Variants in OTOP1 observed in about 807,000 individuals in gnomAD.
OTOP1 encodes the protein proton channel OTOP1.
A neutral mutation model predicts 52.9 loss-of-function variants in OTOP1; 59 were observed. That is an observed-to-expected ratio of 1.12 (90% confidence interval 0.91 to 1.39). The LOEUF is 1.39. Ranked by LOEUF, OTOP1 falls within the 40% of genes most tolerant of loss-of-function variation. The pLI is 0.00. For missense variants in OTOP1, 761 were observed against 800.9 expected, an observed-to-expected ratio of 0.95 and a Z score of 0.60; for synonymous variants, 317 against 337.7, an observed-to-expected ratio of 0.94 and a Z score of 0.67.
chr4:4,224,198 A>G (rs1400557317), intron 1 of OTOP1, among the ~76,000 whole-genome samples: 1 of 151,848 alleles, frequency 6.6e-6, no homozygotes, highest in Non-Finnish European at 1.5e-5. Context: ...GATACAAAAA[A>G]TAGCTGGGCA....
rs144516335 is a variant in OTOP1, at chr4:4,206,720, A to C, written c.541-590T>G. Among the ~76,000 whole-genome samples the C allele has an allele frequency of 7.9e-5, 12 of 152,328 alleles. No homozygotes were observed. The East Asian group carries it at 2.3e-3, about 29-fold the overall frequency. On this transcript the variant is annotated intron_variant, in intron 2 of 5. Coordinates refer to ENST00000296358, the MANE Select transcript of OTOP1 (RefSeq NM_177998.3). Reference sequence around the variant, plus strand: ...GAAAATCCTGACTTCCTCACTGAATAGCCCATGGCCTTGGGCAAGTCAGGG... The same window carrying C: ...GAAAATCCTGACTTCCTCACTGAATCGCCCATGGCCTTGGGCAAGTCAGGG...
At chr4:4,190,631 A>T (rs1235790838) in intron 5 of OTOP1, among the ~76,000 whole-genome samples, 1 of 152,190 alleles carries the variant, frequency 6.6e-6, no homozygotes, top group African/African-American at 2.4e-5. Flanking sequence ...TAATCTAGAG[A>T]TGTCTTAAAG....
chr4:4,205,691 G>C (rs1716890477), intron 3 of OTOP1, among the ~76,000 whole-genome samples: 2 of 152,204 alleles, frequency 1.3e-5, no homozygotes, highest in Non-Finnish European at 2.9e-5. Context: ...ACTCCTGCTA[G>C]TTTTTCTCTT....
intron 5 of OTOP1, among the ~76,000 whole-genome samples, chr4:4,191,338 G>A (rs772485175): frequency 1.4e-4 from 21 of 152,134 alleles, no homozygotes; most frequent in South Asian, 4.2e-4. Context: ...GGCTCTACTC[G>A]GCCACCAGAT....
Position 4,202,519 on chromosome 4 carries a change from T to A in OTOP1, c.659A>T (p.Asn220Ile). 6.2e-7 allele frequency: 1 copy of A among 1,614,110 alleles called. No individual in the cohort carries two copies. Among genetic ancestry groups the A allele is most frequent in the Non-Finnish European group, 8.5e-7 (1 of 1,179,966 alleles). The change falls in exon 4 of 6, where the codon AAT becomes ATT. Residue 220 changes from asparagine (N) to isoleucine (I), a missense_variant. Physicochemically the swap from Asn to Ile is moderately radical, Grantham distance 149. Around this residue, in one of 3 missense-constraint regions of OTOP1, gnomAD observed 632 missense variants for 619.5 expected, o/e 1.02. Coordinates refer to ENST00000296358, the MANE Select transcript of OTOP1 (RefSeq NM_177998.3). ...CTCATTGAGTTGGTGCTTTGACTCA[T>A]TGAGGACGCCATTGGCCCACAGAAG... The part of the protein sequence containing the change: ...NLLLWANGVL[N>I]ESKHQLNEHK...
Position 4,199,709 on chromosome 4 carries a change from G to A in OTOP1, c.731-1606C>T, listed in dbSNP as rs373003404. On this transcript the variant is annotated intron_variant, in intron 4 of 5. Coordinates refer to ENST00000296358, the MANE Select transcript of OTOP1 (RefSeq NM_177998.3). ...ATTAAAAGCATGAGCCACCGCACCC[G>A]GCCAGGATGTGTTTTAATATTAAGA... Among the ~76,000 whole-genome samples the A allele has an allele frequency of 1.4e-3, 206 of 152,248 alleles. 3 individuals are homozygous for A. The South Asian group carries it at 0.038, about 28-fold the overall frequency.
chr4:4,218,920 C>T (rs1717210504), intron 1 of OTOP1, among the ~76,000 whole-genome samples: 1 of 151,132 alleles, frequency 6.6e-6, no homozygotes, highest in Non-Finnish European at 1.5e-5. Flanking sequence ...CAAAGCGAGA[C>T]TCCGTCTCAA....
intron 1 of OTOP1, among the ~76,000 whole-genome samples, chr4:4,221,804 C>T (rs780929925): frequency 3.3e-5 from 5 of 152,150 alleles, no homozygotes; most frequent in African/African-American, 7.2e-5. Flanking sequence ...TTAGTAGAGA[C>T]GGGGTTTCAC....
Position 4,226,447 on chromosome 4 carries a change from G to A in OTOP1, c.403+15C>T, listed in dbSNP as rs375597240. 3.5e-4 allele frequency: 491 copies of A among 1,417,044 alleles called. 1 individual carries two copies. The Middle Eastern group carries it at 4.1e-3, about 12-fold the overall frequency. 87.8% of individuals were successfully genotyped at this position (1,417,044 alleles called of 1,614,324 possible). On this transcript the variant is annotated intron_variant, in intron 1 of 5. Coordinates refer to ENST00000296358, the MANE Select transcript of OTOP1 (RefSeq NM_177998.3). ...CGAGGAGGCGGAGACCCGCTCGCCC[G>A]GCGCCTGGACTCACCGCGCAGCCAG...
In OTOP1 at chr4:4,212,940, A is replaced by C; in HGVS notation, c.468T>G (p.Ile156Met). 6.2e-7 allele frequency: 1 copy of C among 1,614,090 alleles called. No individual in the cohort carries two copies. Among genetic ancestry groups the C allele is most frequent in the South Asian group, 1.1e-5 (1 of 91,078 alleles). ...ILGCLKIGYF[I>M]GFSECLSATE... The stretch of plus-strand genomic sequence containing the variant: ...TGGCTGATAAACATTCTGAAAATCC[A>C]ATGAAGTATCCAATTTTAAGGCATC... The change falls in exon 2 of 6, where the codon ATT (isoleucine) becomes ATG (methionine). Residue 156 changes from isoleucine to methionine, a missense_variant. By Grantham distance (10) the Ile-to-Met change is conservative (BLOSUM62 1). Around this residue, in one of 3 missense-constraint regions of OTOP1, gnomAD observed 632 missense variants for 619.5 expected, o/e 1.02. Transcript: ENST00000296358.
At chr4:4,210,170 G>A (rs1415342389) in intron 2 of OTOP1, among the ~76,000 whole-genome samples, 2 of 152,098 alleles carry the variant, frequency 1.3e-5, no homozygotes, top group South Asian at 4.1e-4. Flanking sequence ...AACAATATTC[G>A]TCCAGTATTT....
intron 5 of OTOP1, among the ~76,000 whole-genome samples, chr4:4,196,715 G>T (rs1023771240): frequency 6.6e-6 from 1 of 152,146 alleles, no homozygotes; most frequent in Non-Finnish European, 1.5e-5. Flanking sequence ...GCAACAGGGC[G>T]CGACCCTGTC....
At chr4:4,225,352 T>C (rs749587039) in intron 1 of OTOP1, among the ~76,000 whole-genome samples, 18 of 152,162 alleles carry the variant, frequency 1.2e-4, no homozygotes, top group Non-Finnish European at 2.2e-4. Flanking sequence ...GGAGGATCCC[T>C]GGAGGCCAGG....
chr4:4,226,286 C>G (rs181976747), intron 1 of OTOP1, among the ~76,000 whole-genome samples, 176 bp downstream of exon 1: 1,407 of 96,598 alleles, frequency 0.015, 23 homozygotes, highest in African/African-American at 0.083. Flanking sequence ...ACCCAAGCTT[C>G]AGAGAGAGAG....
intron 1 of OTOP1, among the ~76,000 whole-genome samples, chr4:4,222,043 C>T (rs1717312134): frequency 6.6e-6 from 1 of 152,150 alleles, no homozygotes; most frequent in African/African-American, 2.4e-5. Context: ...TCCATCCATC[C>T]AATCATTCAA....
chr4:4,200,978 G>A (rs1012271656), intron 4 of OTOP1, among the ~76,000 whole-genome samples: 1 of 152,166 alleles, frequency 6.6e-6, no homozygotes, highest in African/African-American at 2.4e-5. Context: ...AGCTGACAGA[G>A]TCCTTTTTTA....
rs1230217266 is a variant in OTOP1 at position 4,215,493 on chromosome 4, C to A, written c.404-2489G>T. 2.6e-5 allele frequency among the ~76,000 whole-genome samples: 4 copies of A among 152,174 alleles called. No individual in the cohort carries two copies. The East Asian group carries it at 7.8e-4, about 29-fold the overall frequency. On this transcript the variant is annotated intron_variant, in intron 1 of 5. Transcript: ENST00000296358. The stretch of plus-strand genomic sequence containing the variant: ...CCTGACCAATGTGGAGAAACCCCAT[C>A]TCTACTAAAAAATACAAAATTAGCG...
chr4:4,208,894 C>T (rs1388002025), intron 2 of OTOP1, among the ~76,000 whole-genome samples: 2 of 152,004 alleles, frequency 1.3e-5, no homozygotes, highest in Admixed American at 6.6e-5. Flanking sequence ...CCAGCGCATT[C>T]GGTGAGGGAA....
intron 1 of OTOP1, among the ~76,000 whole-genome samples, chr4:4,213,738 C>A (rs951188887): frequency 6.6e-6 from 1 of 152,098 alleles, no homozygotes; most frequent in Non-Finnish European, 1.5e-5. Flanking sequence ...GTCGCTTCCA[C>A]CTTTTGGATA....
Sources: allele counts gnomAD v4.1 joint callset (sites outside exome capture counted in the v4.1 genomes callset), GRCh38; gene constraint gnomAD v4.1.1; regional missense constraint gnomAD v4.1.1; transcripts MANE v1.5; gene names NCBI Gene and HGNC (gene_info 2026-07-23, HGNC 2026-07-21).